The following CFAP58 variants were observed in gnomAD, a reference collection of about 807,000 sequenced individuals.
The protein encoded by CFAP58 is cilia and flagella associated protein 58, also known as cilia- and flagella-associated protein 58.
A neutral mutation model predicts 119.5 loss-of-function variants in CFAP58; 88 were observed. That is an observed-to-expected ratio of 0.74 (90% CI 0.62 to 0.88). The LOEUF is 0.88. CFAP58 is among the 40% of genes least tolerant of loss of function. CFAP58 has a pLI of 0.00. For synonymous variants in CFAP58, 365 were observed against 366.3 expected (o/e 1.00, Z 0.04); for missense variants, 990 against 1,021.2 (o/e 0.97, Z 0.42).
intron 15 of CFAP58, among the ~76,000 whole-genome samples, chr10:104,440,269 T>C (rs1298594713): frequency 1.3e-5 from 2 of 152,208 alleles, no homozygotes; most frequent in African/African-American, 2.4e-5. Context: ...AACACAATTC[T>C]ATTTTTTGCA....
At chr10:104,342,048 TAAAC>T in the CFAP58 span, among the ~76,000 whole-genome samples, 1 of 152,256 alleles carries the variant, frequency 6.6e-6, no homozygotes, top group African/African-American at 2.4e-5. Flanking sequence ...ATAAAAGGCT[TAAAC>T]AAATAAGGAT....
chr10:104,414,938 G>A (rs2133060318), intron 15 of CFAP58, among the ~76,000 whole-genome samples: 1 of 152,334 alleles, frequency 6.6e-6, no homozygotes, highest in South Asian at 2.1e-4. Context: ...AAAAGACCAA[G>A]GGTTGTCTCT....
At chr10:104,365,755 T>A in intron 4 of CFAP58, 59 bp from the exon 5 acceptor site, 1 of 1,484,608 alleles carries the variant, frequency 6.7e-7, no homozygotes, top group East Asian at 2.3e-5. Context: ...CTTGGCTGGC[T>A]GAGACCTGCC....
chr10:104,400,856 G>T lies in CFAP58; in HGVS notation c.1992G>T (p.Arg664=), dbSNP rs982193252. 1 of 1,614,144 alleles carries T rather than the reference G, an allele frequency of 6.2e-7. No homozygotes were observed. Among genetic ancestry groups the T allele is most frequent in the Non-Finnish European group, 8.5e-7 (1 of 1,180,006 alleles). Residue 664 remains arginine (R), a synonymous_variant, in exon 13 of 18, where the codon CGG becomes CGT. Coordinates refer to ENST00000369704, the MANE Select transcript of CFAP58 (RefSeq NM_001008723.2). The part of the protein sequence containing the change: ...ILRLEIKKLR[R]EKGILARSMA... Reference sequence around the variant, plus strand: ...GACTTGAGATCAAGAAGCTTCGCCGGGAAAAGGGGATTCTTGCCAGGAGTA... The same window carrying T: ...GACTTGAGATCAAGAAGCTTCGCCGTGAAAAGGGGATTCTTGCCAGGAGTA...
intron 15 of CFAP58, among the ~76,000 whole-genome samples, chr10:104,426,798 C>T (rs1210257632): frequency 6.6e-6 from 1 of 152,180 alleles, no homozygotes; most frequent in South Asian, 2.1e-4. Flanking sequence ...ACCTATCATA[C>T]TAAATAGCTT....
At chr10:104,364,623 T>G (rs2014717674) in intron 3 of CFAP58, 110 bp from the exon 4 acceptor site, 4 of 888,646 alleles carry the variant, frequency 4.5e-6, no homozygotes, top group Non-Finnish European at 6.9e-6. Context: ...GTCTGAATAG[T>G]GTTAATCATT....
Position 104,393,462 on chromosome 10 carries a change from A to T in CFAP58, c.1661A>T (p.Lys554Met). 1 of 1,613,718 alleles carries T rather than the reference A, an allele frequency of 6.2e-7. No individual in the cohort carries two copies. The highest frequency in any genetic ancestry group is 8.5e-7 in the Non-Finnish European group (1 of 1,179,756). ...GAACAGCAGCGAATAGAAAAGGAAA[A>T]GGAAACATTGAAGGTACTGACCTCA... ...HLEQQRIEKE[K>M]ETLKAELQKL... The change falls in exon 11 of 18, where the codon AAG (lysine) becomes ATG (methionine). Residue 554 changes from lysine to methionine, a missense_variant. By Grantham distance (95) the Lys-to-Met change is moderately conservative. Coordinates refer to ENST00000369704, the MANE Select transcript of CFAP58 (RefSeq NM_001008723.2).
Position 104,393,389 on chromosome 10 carries a change from A to G in CFAP58, c.1588A>G (p.Lys530Glu). The change falls in exon 11 of 18, where the codon AAA becomes GAA. Residue 530 changes from lysine to glutamate, a missense_variant. Physicochemically the swap from Lys to Glu is moderately conservative, Grantham distance 56. Transcript: ENST00000369704. ...KIMIHQVDEL[K>E]EDISAKESAL... The stretch of plus-strand genomic sequence containing the variant: ...TATGATCCATCAGGTAGATGAGCTG[A>G]AAGAAGACATCTCTGCCAAAGAGTC... 1 of 1,614,072 alleles carries G rather than the reference A, an allele frequency of 6.2e-7. No individual in the cohort carries two copies. Among genetic ancestry groups the G allele is most frequent in the Non-Finnish European group, 8.5e-7 (1 of 1,179,926 alleles).
At position 104,454,728 on chromosome 10, in the gene CFAP58, A is replaced by T. The variant is rs1001884155; in HGVS notation, c.*198A>T. The T allele has an allele frequency of 1.8e-6, 1 of 548,082 alleles. No individual in the cohort carries two copies. The highest frequency in any genetic ancestry group is 1.9e-5 in the African/African-American group (1 of 52,658). 34.0% of individuals were successfully genotyped at this position (548,082 alleles called of 1,614,324 possible). A position where few individuals can be genotyped will look rare whatever the true frequency, so the allele number is the denominator to read the frequency against. ...TTCACGTTGATATTAACAGATCATA[A>T]TTCTCTCTGTTCAGTTAGGCTGACC... On this transcript the variant is annotated 3_prime_UTR_variant, in exon 18 of 18. Transcript: ENST00000369704.
chr10:104,342,483 G>GGAAT, the CFAP58 span, among the ~76,000 whole-genome samples: 1 of 151,968 alleles, frequency 6.6e-6, no homozygotes, highest in Non-Finnish European at 1.5e-5. Flanking sequence ...GAAAGTAGAT[G>GGAAT]GAATGTTCTT....
intron 11 of CFAP58, among the ~76,000 whole-genome samples, chr10:104,397,735 G>C (rs1176618010): frequency 6.6e-6 from 1 of 152,202 alleles, no homozygotes; most frequent in Non-Finnish European, 1.5e-5. Flanking sequence ...CAGCATGGGG[G>C]AAAGCAGAGC....
intron 9 of CFAP58, 30 bp downstream of exon 9, chr10:104,380,250 G>A (rs2011758379): frequency 2.5e-6 from 4 of 1,583,188 alleles, no homozygotes; most frequent in Non-Finnish European, 3.5e-6. Flanking sequence ...TGTGGGTGGA[G>A]CAGAGGCACA....
chr10:104,434,698 C>T (rs1200780956), intron 15 of CFAP58, among the ~76,000 whole-genome samples: 1 of 152,232 alleles, frequency 6.6e-6, no homozygotes, highest in African/African-American at 2.4e-5. Flanking sequence ...TAGACCATTA[C>T]TGGTGATGAA....
At chr10:104,435,248 G>A (rs763732821) in intron 15 of CFAP58, among the ~76,000 whole-genome samples, 21 of 152,220 alleles carry the variant, frequency 1.4e-4, no homozygotes, top group Non-Finnish European at 2.4e-4. Context: ...TTGGGAGGCC[G>A]AGGCGGGCAG....
the CFAP58 span, among the ~76,000 whole-genome samples, chr10:104,346,055 G>C: frequency 6.6e-6 from 1 of 152,014 alleles, no homozygotes; most frequent in Non-Finnish European, 1.5e-5. Context: ...AACTGCTTCT[G>C]GTGAGGGCCT....
intron 9 of CFAP58, chr10:104,382,289 C>A (rs1158650149): frequency 7.2e-6 from 5 of 692,304 alleles, no homozygotes; most frequent in South Asian, 1.5e-5. Flanking sequence ...ACATCCTGGG[C>A]AGGAGTGTGG....
chr10:104,450,669 TTTTATTTA>T (rs3069011), intron 17 of CFAP58, among the ~76,000 whole-genome samples: 3,126 of 143,318 alleles, frequency 0.022, 38 homozygotes, highest in Non-Finnish European at 0.03. Flanking sequence ...TTCACCTATG[TTTTATTTA>T]TTTATTTATT....
At chr10:104,450,243 T>G in intron 17 of CFAP58, 39 bp downstream of exon 17, 1 of 1,601,482 alleles carries the variant, frequency 6.2e-7, no homozygotes, top group Non-Finnish European at 8.5e-7. Context: ...GTTGTGCCTA[T>G]TATCTGCACA....
chr10:104,393,261 A>G, intron 10 of CFAP58, 68 bp from the exon 11 acceptor site: 1 of 1,412,106 alleles, frequency 7.1e-7, no homozygotes. Context: ...TCTGAAATAT[A>G]TATTGAACTT....
Sources: gnomAD v4.1 joint callset for allele counts (sites outside exome capture counted in the v4.1 genomes callset) on GRCh38, gnomAD v4.1.1 for gene constraint, MANE v1.5 for transcripts, NCBI Gene and HGNC (gene_info 2026-07-23, HGNC 2026-07-21) for gene names.